The following ZNF652 variants were observed in gnomAD, a reference collection of about 807,000 sequenced individuals.
ZNF652 encodes the protein zinc finger protein 652.
In ZNF652, 16 loss-of-function variants were observed where a neutral mutation model predicts 45.2. The observed-to-expected ratio is 0.35, with a 90% CI of 0.24 to 0.54. The LOEUF (loss-of-function observed/expected upper bound fraction) is 0.54, where lower values mean the gene tolerates loss of function less well. Among genes scored for constraint, ZNF652 ranks in the 20% least tolerant of loss-of-function variants. The probability of loss-of-function intolerance (pLI) is 0.91; values close to 1 mark genes in which losing one functional copy is unlikely to be tolerated. For synonymous variants in ZNF652, 250 were observed against 260.6 expected, an observed-to-expected ratio of 0.96 and a Z score of 0.39; for missense variants, 614 against 765.6, an observed-to-expected ratio of 0.80 and a Z score of 2.34.
chr17:49,318,614 A>G (rs966647421), intron 1 of ZNF652, among the ~76,000 whole-genome samples: 4 of 152,284 alleles, frequency 2.6e-5, no homozygotes, highest in African/African-American at 9.6e-5. Context: ...ATTTTCCTAG[A>G]TACTACGCAA....
intron 5 of ZNF652, among the ~76,000 whole-genome samples, chr17:49,304,684 C>G (rs1327191768): frequency 6.6e-6 from 1 of 151,952 alleles, no homozygotes; most frequent in Non-Finnish European, 1.5e-5. Flanking sequence ...TAAAGCTAAC[C>G]TAATTGTACA....
At chr17:49,299,378 T>C (rs1359353044) in intron 5 of ZNF652, among the ~76,000 whole-genome samples, 2 of 152,112 alleles carry the variant, frequency 1.3e-5, no homozygotes, top group East Asian at 3.8e-4. Flanking sequence ...TAAGAAATTT[T>C]TTTTCTTTTT....
intron 1 of ZNF652, among the ~76,000 whole-genome samples, chr17:49,360,044 C>G (rs1273127867): frequency 6.6e-6 from 1 of 152,156 alleles, no homozygotes; most frequent in Non-Finnish European, 1.5e-5. Context: ...ACATACATTA[C>G]CAATTGGTCA....
chr17:49,353,968 C>T (rs2070308248), intron 1 of ZNF652, among the ~76,000 whole-genome samples: 4 of 152,122 alleles, frequency 2.6e-5, no homozygotes, highest in Admixed American at 2.6e-4. Flanking sequence ...ATCTAACTTT[C>T]CATAAGAGGT....
intron 5 of ZNF652, among the ~76,000 whole-genome samples, chr17:49,303,796 T>C (rs1362915067): frequency 1.3e-5 from 2 of 152,170 alleles, no homozygotes; most frequent in Middle Eastern, 3.2e-3. Flanking sequence ...ATGGATTCCC[T>C]GAGCAGTTAC....
chr17:49,355,303 G>T (rs917504276), intron 1 of ZNF652, among the ~76,000 whole-genome samples: 9 of 152,140 alleles, frequency 5.9e-5, no homozygotes, highest in African/African-American at 2.2e-4. Context: ...AAAAAAATTT[G>T]TCTGGGCATG....
chr17:49,337,993 A>G (rs1394946397), intron 1 of ZNF652, among the ~76,000 whole-genome samples: 1 of 152,002 alleles, frequency 6.6e-6, no homozygotes, highest in Non-Finnish European at 1.5e-5. Context: ...AAATACAACA[A>G]TTTTTTGTTT....
At chr17:49,351,974 T>A (rs1306789794) in intron 1 of ZNF652, among the ~76,000 whole-genome samples, 1 of 152,146 alleles carries the variant, frequency 6.6e-6, no homozygotes, top group Non-Finnish European at 1.5e-5. Context: ...CCAGCCTGGG[T>A]GACAGCGCAG....
chr17:49,305,436 G>A (rs2069616025), intron 5 of ZNF652, among the ~76,000 whole-genome samples: 1 of 152,024 alleles, frequency 6.6e-6, no homozygotes, highest in Non-Finnish European at 1.5e-5. Flanking sequence ...GACACAGCGA[G>A]ACTCTGTTTC....
rs2069501145 is a variant in ZNF652, at chr17:49,298,256, T to C, written c.*157A>G. ...CTCTGTGAGCTCAAGGTAGTCTTCT[T>C]GTTCATTCCCTTGGATCTGTTGATT... On this transcript the variant is annotated 3_prime_UTR_variant, in exon 6 of 6. Transcript: ENST00000430262. 2.2e-6 allele frequency: 2 copies of C among 926,756 alleles called. No homozygotes were observed. Among genetic ancestry groups the C allele is most frequent in the Non-Finnish European group, 3.2e-6 (2 of 633,430 alleles). The allele number at this position is 926,756 out of a possible 1,614,324, so 57.4% of individuals were successfully genotyped here.
chr17:49,356,469 A>C (rs1441564609), intron 1 of ZNF652, among the ~76,000 whole-genome samples: 8 of 150,890 alleles, frequency 5.3e-5, no homozygotes, highest in Middle Eastern at 3.4e-3. Flanking sequence ...CAAAAAAAAA[A>C]CAAAAAAAAC....
chr17:49,357,116 G>A (rs1299829756), intron 1 of ZNF652, among the ~76,000 whole-genome samples: 7 of 151,904 alleles, frequency 4.6e-5, no homozygotes, highest in African/African-American at 1.7e-4. Flanking sequence ...GACCAATATG[G>A]TGAAACCCCA....
chr17:49,350,971 A>ATG (rs1491360202), intron 1 of ZNF652, among the ~76,000 whole-genome samples: 221 of 14,238 alleles, frequency 0.016, 4 homozygotes, highest in Admixed American at 0.033. Context: ...CTCTGTCTAC[A>ATG]TATATATATA....
At chr17:49,351,890 G>C (rs927699087) in intron 1 of ZNF652, among the ~76,000 whole-genome samples, 2 of 152,142 alleles carry the variant, frequency 1.3e-5, no homozygotes, top group African/African-American at 4.8e-5. Context: ...AGGGGGCTGA[G>C]GCAGGAGGAT....
At chr17:49,329,141 T>C (rs1315097030) in intron 1 of ZNF652, among the ~76,000 whole-genome samples, 1 of 152,236 alleles carries the variant, frequency 6.6e-6, no homozygotes, top group Non-Finnish European at 1.5e-5. Context: ...TGGATACATT[T>C]CAGTTTTCAA....
rs2069463941 is a variant in ZNF652 at position 49,295,725 on chromosome 17, G to C, written c.*2688C>G. 6.6e-6 allele frequency: 1 copy of C among 152,004 alleles called. No homozygotes were observed. The highest frequency in any genetic ancestry group is 6.6e-5 in the Admixed American group (1 of 15,248). The allele number at this position is 152,004 out of a possible 1,614,324, so 9.4% of individuals were successfully genotyped here. A position where few individuals can be genotyped will look rare whatever the true frequency, so the allele number is the denominator to read the frequency against. Reference sequence around the variant, plus strand: ...GAGGCTGAGGTGGGCGGATCACAAGGTCAGGAGTTTGAGACCAGCCTGGCC... The same window carrying C: ...GAGGCTGAGGTGGGCGGATCACAAGCTCAGGAGTTTGAGACCAGCCTGGCC... On this transcript the variant is annotated 3_prime_UTR_variant, in exon 6 of 6. Coordinates refer to ENST00000430262, the MANE Select transcript of ZNF652 (RefSeq NM_001145365.3).
intron 5 of ZNF652, among the ~76,000 whole-genome samples, chr17:49,305,720 C>T (rs192086770): frequency 6.6e-6 from 1 of 152,140 alleles, no homozygotes; most frequent in Non-Finnish European, 1.5e-5. Flanking sequence ...CTTAATTCAT[C>T]CTTGTGTCTC....
At chr17:49,327,779 A>ATTTTTT (rs375857868) in intron 1 of ZNF652, among the ~76,000 whole-genome samples, 1 of 4,108 alleles carries the variant, frequency 2.4e-4, no homozygotes, top group Non-Finnish European at 6.3e-4. Flanking sequence ...ATATATATAT[A>ATTTTTT]TTTTTTTTTT....
rs897493715 is a variant in ZNF652 at position 49,306,901 on chromosome 17, C to T, written c.1309+4411G>A. Reference sequence around the variant, plus strand: ...TTGAGTAGCTGGGATTACAGGCATGCGCCACCACACTTGGCTAATTTTTTG... The same window carrying T: ...TTGAGTAGCTGGGATTACAGGCATGTGCCACCACACTTGGCTAATTTTTTG... On this transcript the variant is annotated intron_variant, in intron 5 of 5. Transcript: ENST00000430262. Among the ~76,000 whole-genome samples the T allele has an allele frequency of 5.3e-5, 8 of 151,986 alleles. No individual in the cohort carries two copies. In the East Asian group the frequency reaches 5.9e-4, roughly 11 times the overall value.
Sources: allele counts gnomAD v4.1 joint callset (sites outside exome capture counted in the v4.1 genomes callset), GRCh38; gene constraint gnomAD v4.1.1; transcripts MANE v1.5; gene names NCBI Gene and HGNC (gene_info 2026-07-23, HGNC 2026-07-21).